TNFRSF14: variants seen among roughly 807,000 people sequenced by gnomAD.
TNFRSF14 encodes the protein tumor necrosis factor receptor superfamily member 14.
TNFRSF14 carries 18 observed loss-of-function variants against 34.1 expected under a neutral mutation model. The ratio of observed to expected loss-of-function variants is 0.53; its 90% confidence interval spans 0.36 to 0.78. TNFRSF14 has a LOEUF of 0.78. Among genes scored for constraint, TNFRSF14 ranks in the 30% least tolerant of loss-of-function variants. The probability of loss-of-function intolerance (pLI) is 0.00; values close to 1 mark genes in which losing one functional copy is unlikely to be tolerated. For missense variants in TNFRSF14, 352 were observed against 379.5 expected (o/e 0.93, Z 0.60); for synonymous variants, 157 against 153.2 (o/e 1.02, Z -0.18).
Position 2,561,709 on chromosome 1 carries a change from C to T in TNFRSF14, c.588C>T (p.Thr196=), listed in dbSNP as rs754497541. 1 of 1,613,416 alleles carries T rather than the reference C, an allele frequency of 6.2e-7. No homozygotes were observed. The highest frequency in any genetic ancestry group is 2.2e-5 in the East Asian group (1 of 44,884). ...TGGTGACGAAGGCCGGAGCTGGGAC[C>T]AGCAGCTCCCACTGGGTATGGTGGT... The part of the protein sequence containing the change: ...SWLVTKAGAG[T]SSSHWVWWFL... Residue 196 remains threonine, a synonymous_variant, in exon 6 of 8, where the codon ACC becomes ACT. Transcript: ENST00000355716. The surrounding 1 kb of genome is among the most constrained non-coding windows in gnomAD (Gnocchi z 6.0).
At position 2,561,412 on chromosome 1, in the gene TNFRSF14, C is replaced by CT. The variant is rs1644306381; in HGVS notation, c.552-260dup. 1 of 1,377,972 alleles carries CT rather than the reference C, an allele frequency of 7.3e-7. No individual in the cohort carries two copies. Among genetic ancestry groups the CT allele is most frequent in the Non-Finnish European group, 9.7e-7 (1 of 1,028,712 alleles). The allele number at this position is 1,377,972 out of a possible 1,614,324, so 85.4% of individuals were successfully genotyped here. A position where few individuals can be genotyped will look rare whatever the true frequency, so the allele number is the denominator to read the frequency against. Reference sequence around the variant, plus strand: ...GCTGGCTGCCTCCCGCTTCTCTCCCCTCTCCCTCTGCCGTCCTGTCTCCTT... The same window carrying CT: ...GCTGGCTGCCTCCCGCTTCTCTCCCCTTCTCCCTCTGCCGTCCTGTCTCCTT... On this transcript the variant is annotated intron_variant, in intron 5 of 7. Transcript: ENST00000355716. This position sits in a 1 kb window ranked among gnomAD's most constrained non-coding sequence, Gnocchi z 6.0.
chr1:2,563,482 G>A lies in TNFRSF14; in HGVS notation c.*209G>A, dbSNP rs1014851127. ...CATTCCCATGGGCCAGTGAGGGCCT[G>A]GGGCCTCTGTTCTGCTGTGGCCTGA... is the stretch of plus-strand genomic sequence containing the variant. On this transcript the variant is annotated 3_prime_UTR_variant, in exon 8 of 8. Transcript: ENST00000355716. 4 of 736,648 alleles carry A rather than the reference G, an allele frequency of 5.4e-6. No homozygotes were observed. The African/African-American group carries it at 7.1e-5, about 13-fold the overall frequency. 45.6% of individuals were successfully genotyped at this position (736,648 alleles called of 1,614,324 possible). A position where few individuals can be genotyped will look rare whatever the true frequency, so the allele number is the denominator to read the frequency against.
At chr1:2,559,043 A>G in intron 3 of TNFRSF14, 1 of 1,368,960 alleles carries the variant, frequency 7.3e-7, no homozygotes, top group Non-Finnish European at 9.6e-7. Context: ...TTGGAGCCTC[A>G]TGCCAGGCTC....
At chr1:2,559,585 C>T (rs1644273921) in intron 3 of TNFRSF14, 1 of 1,531,016 alleles carries the variant, frequency 6.5e-7, no homozygotes, top group East Asian at 2.5e-5. Flanking sequence ...ATCAACGAAG[C>T]CCTCCCAGGA....
Position 2,561,799 on chromosome 1 carries a change from A to G in TNFRSF14, c.678A>G (p.Lys226=). 6.2e-7 allele frequency: 1 copy of G among 1,613,784 alleles called. No homozygotes were observed. Among genetic ancestry groups the G allele is most frequent in the Admixed American group, 1.7e-5 (1 of 60,014 alleles). Residue 226 remains lysine, a synonymous_variant, in exon 6 of 8, where the codon AAA becomes AAG. Coordinates refer to ENST00000355716, the MANE Select transcript of TNFRSF14 (RefSeq NM_003820.4). This position sits in a 1 kb window ranked among gnomAD's most constrained non-coding sequence, Gnocchi z 6.0. Reference sequence around the variant, plus strand: ...CAGTTGGCCTAATCATATGTGTGAAAAGAAGAAAGCCAAGGGGTGAGCACA... The same window carrying G: ...CAGTTGGCCTAATCATATGTGTGAAGAGAAGAAAGCCAAGGGGTGAGCACA... The part of the protein sequence containing the change: ...CSTVGLIICV[K]RRKPRGDVVK...
intron 3 of TNFRSF14, 34 bp downstream of exon 3, chr1:2,558,502 T>C: frequency 1.2e-6 from 2 of 1,610,936 alleles, no homozygotes; most frequent in Non-Finnish European, 1.7e-6. Flanking sequence ...CAGCCTCCGC[T>C]TGGGCAGCCT....
At position 2,563,649 on chromosome 1, in the gene TNFRSF14, C is replaced by T. The variant is rs11573996; in HGVS notation, c.*376C>T. On this transcript the variant is annotated 3_prime_UTR_variant, in exon 8 of 8. Transcript: ENST00000355716. Reference sequence around the variant, plus strand: ...CTTGTGGCCTCAGCAGGACAGGCCCCGGGCACTGCCTCACAGCCAAGGCTG... The same window carrying T: ...CTTGTGGCCTCAGCAGGACAGGCCCTGGGCACTGCCTCACAGCCAAGGCTG... 0.015 allele frequency: 4,334 copies of T among 280,516 alleles called. 184 individuals carry two copies. Among genetic ancestry groups the T allele is most frequent in the African/African-American group, 0.086 (4,023 of 47,032 alleles). The allele number at this position is 280,516 out of a possible 1,614,324, so 17.4% of individuals were successfully genotyped here.
intron 4 of TNFRSF14, 152 bp downstream of exon 4, chr1:2,560,130 C>A: frequency 2.4e-6 from 3 of 1,261,338 alleles, no homozygotes; most frequent in Non-Finnish European, 3.2e-6. Flanking sequence ...CACTTCAGCC[C>A]TGTCCTGGAA....
intron 2 of TNFRSF14, 35 bp downstream of exon 2, chr1:2,557,869 G>C (rs562107361): frequency 6.5e-7 from 1 of 1,532,006 alleles, no homozygotes; most frequent in Non-Finnish European, 8.9e-7. Context: ...AGCTCTGTGG[G>C]CCGAGGGCAG....
In TNFRSF14 at chr1:2,561,617, A is replaced by T. The variant is rs1293490848; in HGVS notation, c.552-56A>T. 2 of 1,608,824 alleles carry T rather than the reference A, an allele frequency of 1.2e-6. No homozygotes were observed. The highest frequency in any genetic ancestry group is 2.2e-5 in the South Asian group (2 of 90,790). ...GAGCCAGGGAGGCTCCCTGAGGCTGAGTGAACACTGGGCGCTGCACCTGCC... is the reference window on the plus strand; with the variant it reads ...GAGCCAGGGAGGCTCCCTGAGGCTGTGTGAACACTGGGCGCTGCACCTGCC... On this transcript the variant is annotated intron_variant, in intron 5 of 7. Transcript: ENST00000355716. The surrounding 1 kb of genome is among the most constrained non-coding windows in gnomAD (Gnocchi z 6.0).
intron 1 of TNFRSF14, 178 bp downstream of exon 1, chr1:2,556,911 G>C: frequency 3.2e-6 from 2 of 618,118 alleles, no homozygotes; most frequent in African/African-American, 1.8e-5. Flanking sequence ...GCTCACCACA[G>C]TGGGGTGAGC....
Position 2,556,520 on chromosome 1 carries a change from T to C in TNFRSF14, c.-145T>C, listed in dbSNP as rs1347247703. ...GCCCACTCTCCTGCTGCTCGGGTTCTGAGGCACAGCTTGTCACACCGAGGC... is the reference window on the plus strand; with the variant it reads ...GCCCACTCTCCTGCTGCTCGGGTTCCGAGGCACAGCTTGTCACACCGAGGC... On this transcript the variant is annotated 5_prime_UTR_variant, in exon 1 of 8. Transcript: ENST00000355716. 1.2e-6 allele frequency: 1 copy of C among 858,456 alleles called. No homozygotes were observed. Among genetic ancestry groups the C allele is most frequent in the East Asian group, 2.6e-5 (1 of 37,974 alleles). The allele number at this position is 858,456 out of a possible 1,614,324, so 53.2% of individuals were successfully genotyped here. A position where few individuals can be genotyped will look rare whatever the true frequency, so the allele number is the denominator to read the frequency against.
intron 3 of TNFRSF14, chr1:2,559,504 G>A (rs1020787391): frequency 6.8e-6 from 10 of 1,475,720 alleles, no homozygotes; most frequent in African/African-American, 2.8e-5. Context: ...ACCTGCCTGC[G>A]GGACCCTGCC....
Position 2,559,830 on chromosome 1 carries a change from C to G in TNFRSF14, c.312C>G (p.Gly104=). 1 of 1,607,218 alleles carries G rather than the reference C, an allele frequency of 6.2e-7. No individual in the cohort carries two copies. Among genetic ancestry groups the G allele is most frequent in the Non-Finnish European group, 8.5e-7 (1 of 1,177,872 alleles). The change falls in exon 4 of 8, where the codon GGC becomes GGG. Residue 104 remains glycine (G), a synonymous_variant. Transcript: ENST00000355716. Reference sequence around the variant, plus strand: ...CCTCCTCTTGGACTCCAGCCATGGGCCTGCGCGCGAGCCGGAACTGCTCCA... The same window carrying G: ...CCTCCTCTTGGACTCCAGCCATGGGGCTGCGCGCGAGCCGGAACTGCTCCA... ...LQCQMCDPAM[G]LRASRNCSRT... is the part of the protein sequence containing the mutation.
rs192573332 is a variant in TNFRSF14, at chr1:2,561,424, C to T, written c.552-249C>T. The T allele has an allele frequency of 3.2e-4, 458 of 1,424,760 alleles. 1 individual carries two copies. In the African/African-American group the frequency reaches 5.8e-3, roughly 18 times the overall value. 88.3% of individuals were successfully genotyped at this position (1,424,760 alleles called of 1,614,324 possible). ...CCGCTTCTCTCCCCTCTCCCTCTGC[C>T]GTCCTGTCTCCTTTGCCCAGTCTCT... On this transcript the variant is annotated intron_variant, in intron 5 of 7. Coordinates refer to ENST00000355716, the MANE Select transcript of TNFRSF14 (RefSeq NM_003820.4). The surrounding 1 kb of genome is among the most constrained non-coding windows in gnomAD (Gnocchi z 6.0).
In TNFRSF14 at chr1:2,559,074, C is replaced by G. The variant is rs11573976; in HGVS notation, c.304+606C>G. On this transcript the variant is annotated intron_variant, in intron 3 of 7. Transcript: ENST00000355716. ...GGCTCAGCATGGCCAGTGCTCCCTGCGGCCAGGCAGGACTGCACCTGCGGG... is the reference window on the plus strand; with the variant it reads ...GGCTCAGCATGGCCAGTGCTCCCTGGGGCCAGGCAGGACTGCACCTGCGGG... The G allele has an allele frequency of 2.1e-3, 2,929 of 1,368,990 alleles. 42 individuals are homozygous for G. The African/African-American group carries it at 0.037, about 17-fold the overall frequency. The allele number at this position is 1,368,990 out of a possible 1,614,324, so 84.8% of individuals were successfully genotyped here. A position where few individuals can be genotyped will look rare whatever the true frequency, so the allele number is the denominator to read the frequency against.
intron 5 of TNFRSF14, 42 bp downstream of exon 5, chr1:2,560,756 G>A: frequency 1.3e-6 from 2 of 1,583,708 alleles, no homozygotes; most frequent in Middle Eastern, 1.7e-4. Context: ...GCCCTGGGGA[G>A]GGGGCTCCAC....
chr1:2,561,230 G>A lies in TNFRSF14; in HGVS notation c.552-443G>A, dbSNP rs1276844176. On this transcript the variant is annotated intron_variant, in intron 5 of 7. Transcript: ENST00000355716. The surrounding 1 kb of genome is among the most constrained non-coding windows in gnomAD (Gnocchi z 6.0). ...GGGATGGCTGCCCCAGGGAGGGGGCGGTGGGGCCTTCCATCCTGCTCTGCC... is the reference window on the plus strand; with the variant it reads ...GGGATGGCTGCCCCAGGGAGGGGGCAGTGGGGCCTTCCATCCTGCTCTGCC... 12 of 438,906 alleles carry A rather than the reference G, an allele frequency of 2.7e-5. No individual in the cohort carries two copies. Among genetic ancestry groups the A allele is most frequent in the East Asian group, 6.8e-5 (2 of 29,444 alleles). The allele number at this position is 438,906 out of a possible 1,614,324, so 27.2% of individuals were successfully genotyped here.
chr1:2,559,917 C>A lies in TNFRSF14; in HGVS notation c.399C>A (p.Asp133Glu). Residue 133 changes from aspartate (D) to glutamate (E), a missense_variant, in exon 4 of 8, where the codon GAC (aspartate) becomes GAA (glutamate). Asp to Glu is a conservative substitution (Grantham distance 45). Transcript: ENST00000355716. ...ACTTCTGCATCGTCCAGGACGGGGA[C>A]CACTGCGCCGCGTGCCGCGCTTACG... ...PGHFCIVQDG[D>E]HCAACRAYAT... 6.2e-7 allele frequency: 1 copy of A among 1,601,828 alleles called. No homozygotes were observed. Among genetic ancestry groups the A allele is most frequent in the Non-Finnish European group, 8.5e-7 (1 of 1,174,668 alleles).
Sources: gnomAD v4.1 joint callset for allele counts on GRCh38, gnomAD v4.1.1 for gene constraint, Gnocchi (gnomAD v3.1) non-coding constraint, MANE v1.5 for transcripts, NCBI Gene and HGNC (gene_info 2026-07-23, HGNC 2026-07-21) for gene names.